The following DDN variants were observed in gnomAD, a reference collection of about 807,000 sequenced individuals.
DDN encodes the protein dendrin.
DDN carries 4 observed loss-of-function variants against 7.3 expected under a neutral mutation model. The observed-to-expected ratio is 0.55, with a 90% CI of 0.27 to 1.25. The LOEUF (loss-of-function observed/expected upper bound fraction) is 1.25. Among genes scored for constraint, DDN ranks in the 50% most tolerant of loss-of-function variants. DDN has a pLI of 0.12. For missense variants in DDN, 933 were observed against 974.7 expected (o/e 0.96, Z 0.57); for synonymous variants, 425 against 424.3 (o/e 1.00, Z -0.02).
At chr12:48,998,796 G>C (rs1941256797) in intron 1 of DDN, 130 bp from the exon 2 acceptor site, 5 of 1,198,650 alleles carry the variant, frequency 4.2e-6, no homozygotes. Flanking sequence ...GTGCGCGTGT[G>C]CACGTGCGTA....
At position 48,997,725 on chromosome 12, in the gene DDN, T is replaced by G. The variant is rs2137640330; in HGVS notation, c.1151A>C (p.Lys384Thr). Residue 384 changes from lysine to threonine, a missense_variant, in exon 2 of 2, where the codon AAA (lysine) becomes ACA (threonine). Coordinates refer to ENST00000421952, the MANE Select transcript of DDN (RefSeq NM_015086.2). Reference protein sequence around the residue: ...GKEGEQIWFPKCWIPSPKKQP... With the variant: ...GKEGEQIWFPTCWIPSPKKQP... ...CTTTTTAGGGGAGGGAATCCAGCAT[T>G]TGGGAAACCAGATCTGTTCTCCTTC... 3.2e-6 allele frequency: 5 copies of G among 1,587,146 alleles called. No homozygotes were observed. The highest frequency in any genetic ancestry group is 4.3e-6 in the Non-Finnish European group (5 of 1,163,378).
At position 48,998,010 on chromosome 12, in the gene DDN, T is replaced by A; in HGVS notation, c.866A>T (p.Gln289Leu). 1 of 1,613,582 alleles carries A rather than the reference T, an allele frequency of 6.2e-7. No homozygotes were observed. The highest frequency in any genetic ancestry group is 8.5e-7 in the Non-Finnish European group (1 of 1,180,016). ...GGATCCCCCCAAGAGACCTTGCCCC[T>A]GTCGGAGACCCCAAGCCCCGAGGAC... ...RDVLGAWGLR[Q>L]GQGLLGGSPG... is the part of the protein sequence containing the mutation. The change falls in exon 2 of 2, where the codon CAG becomes CTG. Residue 289 changes from glutamine to leucine, a missense_variant. Transcript: ENST00000421952.
intron 1 of DDN, 75 bp downstream of exon 1, chr12:48,999,004 G>T: frequency 2.0e-6 from 3 of 1,508,580 alleles, no homozygotes; most frequent in Non-Finnish European, 2.8e-6. Flanking sequence ...AGCAGTGCTC[G>T]CTGGTGCCTG....
In DDN at chr12:48,995,514, A is replaced by G; in HGVS notation, c.*1226T>C. ...ACGGCTGGAGACTGCAAGGCGGGGG[A>G]CCCGCGCTCGGGAACTAGGGATAGG... On this transcript the variant is annotated 3_prime_UTR_variant, in exon 2 of 2. Coordinates refer to ENST00000421952, the MANE Select transcript of DDN (RefSeq NM_015086.2). 6.6e-6 allele frequency: 1 copy of G among 152,422 alleles called. No individual in the cohort carries two copies. Among genetic ancestry groups the G allele is most frequent in the East Asian group, 1.9e-4 (1 of 5,180 alleles). The allele number at this position is 152,422 out of a possible 1,614,324, so 9.4% of individuals were successfully genotyped here.
chr12:48,998,420 C>T lies in DDN; in HGVS notation c.456G>A (p.Arg152=). The T allele has an allele frequency of 6.6e-7, 1 of 1,511,836 alleles. No individual in the cohort carries two copies. Among genetic ancestry groups the T allele is most frequent in the Non-Finnish European group, 8.8e-7 (1 of 1,139,466 alleles). 93.7% of individuals were successfully genotyped at this position (1,511,836 alleles called of 1,614,324 possible). A position where few individuals can be genotyped will look rare whatever the true frequency, so the allele number is the denominator to read the frequency against. Residue 152 remains arginine (R), a synonymous_variant, in exon 2 of 2, where the codon CGG becomes CGA. Transcript: ENST00000421952. ...CAGGGAGCCCTGCCAGCTGGGCCAC[C>T]CGAGGGGCGTTGCGGGGCTCCGGGC... ...RPRPEPRNAP[R]VAQLAGLPAP...
chr12:48,997,302 C>T lies in DDN; in HGVS notation c.1574G>A (p.Gly525Glu). ...GCCCTCAGCTTCGCCCCCGCGGCCC[C>T]CGCCGGGCTGGTGTAAAAGGCGACT... ...SSSRLLHQPG[G>E]GRGGEAEGGR... Residue 525 changes from glycine to glutamate, a missense_variant, in exon 2 of 2, where the codon GGG becomes GAG. Physicochemically the swap from Gly to Glu is moderately conservative, Grantham distance 98. Coordinates refer to ENST00000421952, the MANE Select transcript of DDN (RefSeq NM_015086.2). 1.2e-6 allele frequency: 2 copies of T among 1,609,494 alleles called. No individual in the cohort carries two copies. Among genetic ancestry groups the T allele is most frequent in the South Asian group, 2.2e-5 (2 of 90,792 alleles).
At position 48,997,162 on chromosome 12, in the gene DDN, C is replaced by T; in HGVS notation, c.1714G>A (p.Ala572Thr). ...PTQPGSPEHQ[A>T]LGPAASGAQG... is the part of the protein sequence containing the mutation. ...GCTCCCGAAGCTGCTGGGCCTAAGGCTTGGTGCTCTGGGCTACCTGGCTGC... is the reference window on the plus strand; with the variant it reads ...GCTCCCGAAGCTGCTGGGCCTAAGGTTTGGTGCTCTGGGCTACCTGGCTGC... Residue 572 changes from alanine to threonine, a missense_variant, in exon 2 of 2, where the codon GCC becomes ACC. Physicochemically the swap from Ala to Thr is moderately conservative, Grantham distance 58 (BLOSUM62 0). Coordinates refer to ENST00000421952, the MANE Select transcript of DDN (RefSeq NM_015086.2). 6.5e-7 allele frequency: 1 copy of T among 1,549,068 alleles called. No individual in the cohort carries two copies. Among genetic ancestry groups the T allele is most frequent in the Non-Finnish European group, 8.7e-7 (1 of 1,150,124 alleles).
rs550044534 is a variant in DDN, at chr12:48,999,266, A to G, written c.22T>C (p.Ser8Pro). The G allele has an allele frequency of 2.6e-6, 4 of 1,552,890 alleles. No homozygotes were observed. The East Asian group carries it at 7.3e-5, about 28-fold the overall frequency. ...TCCCGGGGGCTGTCAGGCCCCTCGGAGAACAGTGGGCCATCCAGCATCCTG... is the reference window on the plus strand; with the variant it reads ...TCCCGGGGGCTGTCAGGCCCCTCGGGGAACAGTGGGCCATCCAGCATCCTG... MLDGPLFSEGPDSPRELQ... is the reference protein window; with the variant it reads MLDGPLFPEGPDSPRELQ... Residue 8 changes from serine to proline, a missense_variant, in exon 1 of 2, where the codon TCC (serine) becomes CCC (proline). Physicochemically the swap from Ser to Pro is moderately conservative, Grantham distance 74 (BLOSUM62 -1). Coordinates refer to ENST00000421952, the MANE Select transcript of DDN (RefSeq NM_015086.2).
rs1941243698 is a variant in DDN at position 48,998,239 on chromosome 12, C to T, written c.637G>A (p.Ala213Thr). 1 of 1,612,042 alleles carries T rather than the reference C, an allele frequency of 6.2e-7. No homozygotes were observed. Among genetic ancestry groups the T allele is most frequent in the Non-Finnish European group, 8.5e-7 (1 of 1,179,658 alleles). ...YEAHLLLRGS[A>T]GTAPRRRWDR... is the part of the protein sequence containing the mutation. ...CAGCGGCGTCGTGGGGCGGTCCCGG[C>T]AGAACCTCTCAGCAGCAGGTGAGCC... is the stretch of plus-strand genomic sequence containing the variant. The change falls in exon 2 of 2, where the codon GCC (alanine) becomes ACC (threonine). Residue 213 changes from alanine to threonine, a missense_variant. Coordinates refer to ENST00000421952, the MANE Select transcript of DDN (RefSeq NM_015086.2).
rs1941208309 is a variant in DDN at position 48,996,664 on chromosome 12, A to T, written c.*76T>A. ...GATACAAGGAAAAGAGAAGCAAAGG[A>T]AGTCTGTGGGGAAGAATGGGGACCA... On this transcript the variant is annotated 3_prime_UTR_variant, in exon 2 of 2. Coordinates refer to ENST00000421952, the MANE Select transcript of DDN (RefSeq NM_015086.2). 1 of 1,539,634 alleles carries T rather than the reference A, an allele frequency of 6.5e-7. No homozygotes were observed. Among genetic ancestry groups the T allele is most frequent in the Non-Finnish European group, 8.7e-7 (1 of 1,143,540 alleles).
rs374112105 is a variant in DDN at position 48,999,126 on chromosome 12, G to C, written c.162C>G (p.Pro54=). 6.2e-6 allele frequency: 10 copies of C among 1,614,088 alleles called. No homozygotes were observed. Among genetic ancestry groups the C allele is most frequent in the Non-Finnish European group, 8.5e-6 (10 of 1,179,992 alleles). ...CCCAGTGGCTGGCCTGGAAGTCCAT[G>C]GGCTGTCGAGAAGGGGCGCGGCGAC... ...HYSRRAPSRQ[P]MDFQASHWAR... Residue 54 remains proline, a synonymous_variant, in exon 1 of 2, where the codon CCC becomes CCG. Transcript: ENST00000421952.
Position 48,997,120 on chromosome 12 carries a change from C to G in DDN, c.1756G>C (p.Gly586Arg), listed in dbSNP as rs1194758492. 1 of 1,526,932 alleles carries G rather than the reference C, an allele frequency of 6.5e-7. No homozygotes were observed. The highest frequency in any genetic ancestry group is 2.2e-5 in the Admixed American group (1 of 45,194). 94.6% of individuals were successfully genotyped at this position (1,526,932 alleles called of 1,614,324 possible). A position where few individuals can be genotyped will look rare whatever the true frequency, so the allele number is the denominator to read the frequency against. Residue 586 changes from glycine to arginine, a missense_variant, in exon 2 of 2, where the codon GGG becomes CGG. Coordinates refer to ENST00000421952, the MANE Select transcript of DDN (RefSeq NM_015086.2). The stretch of plus-strand genomic sequence containing the variant: ...CGCTGGACCACCGCCACTTCCGACC[C>G]CTCGGCTCTGCCCTGGGCTCCCGAA... The part of the protein sequence containing the change: ...AASGAQGRAE[G>R]SEVAVVQRRA...
Position 48,999,296 on chromosome 12 carries a change from A to G in DDN, c.-9T>C. The stretch of plus-strand genomic sequence containing the variant: ...AGTGGGCCATCCAGCATCCTGCCCC[A>G]CCCCACCCCGGCCCCCCACCCTCCC... On this transcript the variant is annotated 5_prime_UTR_variant, in exon 1 of 2. Coordinates refer to ENST00000421952, the MANE Select transcript of DDN (RefSeq NM_015086.2). The G allele has an allele frequency of 1.1e-6, 1 of 915,250 alleles. No homozygotes were observed. Among genetic ancestry groups the G allele is most frequent in the Non-Finnish European group, 1.5e-6 (1 of 657,068 alleles). The allele number at this position is 915,250 out of a possible 1,614,324, so 56.7% of individuals were successfully genotyped here.
Position 48,998,591 on chromosome 12 carries a change from G to A in DDN, c.285C>T (p.Thr95=), listed in dbSNP as rs779583778. ...CGGCCAGGGGCCCCGCCCGCCAGTT[G>A]GTCGCCTCCTGCAGCACCCTGGAGG... ...PWASRVLQEA[T]NWRAGPLAEV... is the part of the protein sequence containing the mutation. The change falls in exon 2 of 2, where the codon ACC becomes ACT. Residue 95 remains threonine, a synonymous_variant. Coordinates refer to ENST00000421952, the MANE Select transcript of DDN (RefSeq NM_015086.2). 3.8e-6 allele frequency: 6 copies of A among 1,589,488 alleles called. No homozygotes were observed. The highest frequency in any genetic ancestry group is 5.1e-6 in the Non-Finnish European group (6 of 1,175,492).
chr12:48,997,666 G>T lies in DDN; in HGVS notation c.1210C>A (p.Pro404Thr). Reference protein sequence around the residue: ...PPRHSQTLPRPWAPGGTGWRE... With the variant: ...PPRHSQTLPRTWAPGGTGWRE... ...CATCCGGTGCCTCCGGGAGCCCAGG[G>T]TCTGGGGAGTGTCTGGCTATGGCGG... The change falls in exon 2 of 2, where the codon CCC (proline) becomes ACC (threonine). Residue 404 changes from proline to threonine, a missense_variant. Coordinates refer to ENST00000421952, the MANE Select transcript of DDN (RefSeq NM_015086.2). 6.4e-7 allele frequency: 1 copy of T among 1,564,860 alleles called. No homozygotes were observed. Among genetic ancestry groups the T allele is most frequent in the Non-Finnish European group, 8.7e-7 (1 of 1,153,746 alleles).
chr12:48,998,377 G>C lies in DDN; in HGVS notation c.499C>G (p.Arg167Gly). Residue 167 changes from arginine (R) to glycine (G), a missense_variant, in exon 2 of 2, where the codon CGC (arginine) becomes GGC (glycine). Coordinates refer to ENST00000421952, the MANE Select transcript of DDN (RefSeq NM_015086.2). ...AGLPAPLRPE[R>G]LAPVGRAPRP... is the part of the protein sequence containing the mutation. ...GGCGCTCGCCCCACAGGCGCCAGGC[G>C]CTCCGGCCGCAAGGGAGCAGGGAGC... 1.3e-6 allele frequency: 2 copies of C among 1,494,096 alleles called. No individual in the cohort carries two copies. The highest frequency in any genetic ancestry group is 8.8e-7 in the Non-Finnish European group (1 of 1,130,290). The allele number at this position is 1,494,096 out of a possible 1,614,324, so 92.6% of individuals were successfully genotyped here. A position where few individuals can be genotyped will look rare whatever the true frequency, so the allele number is the denominator to read the frequency against.
rs755258367 is a variant in DDN at position 48,998,279 on chromosome 12, C to A, written c.597G>T (p.Gly199=). Residue 199 remains glycine, a synonymous_variant, in exon 2 of 2, where the codon GGG becomes GGT. Coordinates refer to ENST00000421952, the MANE Select transcript of DDN (RefSeq NM_015086.2). ...GCAGGTGAGCCTCGTAGCTTGGGGG[C>A]CCGGGCCGCCGACCTCCCCAGGGCC... The part of the protein sequence containing the change: ...WAGPWGGRRP[G]PPSYEAHLLL... The A allele has an allele frequency of 1.2e-6, 2 of 1,603,216 alleles. No homozygotes were observed. Among genetic ancestry groups the A allele is most frequent in the South Asian group, 2.2e-5 (2 of 90,422 alleles).
rs1941200631 is a variant in DDN, at chr12:48,996,157, A to G, written c.*583T>C. On this transcript the variant is annotated 3_prime_UTR_variant, in exon 2 of 2. Coordinates refer to ENST00000421952, the MANE Select transcript of DDN (RefSeq NM_015086.2). ...GGACCTTAGAATACCATCATTTTAT[A>G]TACCAGGAGGCCTGGAGGCCTGGAG... The G allele has an allele frequency of 6.6e-6, 1 of 152,446 alleles. No homozygotes were observed. Among genetic ancestry groups the G allele is most frequent in the Admixed American group, 6.5e-5 (1 of 15,310 alleles). 9.4% of individuals were successfully genotyped at this position (152,446 alleles called of 1,614,324 possible).
Position 48,998,289 on chromosome 12 carries a change from C to A in DDN, c.587G>T (p.Arg196Leu), listed in dbSNP as rs1179600183. 1 of 1,600,096 alleles carries A rather than the reference C, an allele frequency of 6.2e-7. No homozygotes were observed. The highest frequency in any genetic ancestry group is 1.3e-5 in the African/African-American group (1 of 74,720). The change falls in exon 2 of 2, where the codon CGG (arginine) becomes CTG (leucine). Residue 196 changes from arginine (R) to leucine (L), a missense_variant. Transcript: ENST00000421952. ...CTCGTAGCTTGGGGGCCCGGGCCGC[C>A]GACCTCCCCAGGGCCCCGCCCACGC... ...GSAWAGPWGG[R>L]RPGPPSYEAH...
Sources: allele counts gnomAD v4.1 joint callset, GRCh38; gene constraint gnomAD v4.1.1; transcripts MANE v1.5; gene names NCBI Gene and HGNC (gene_info 2026-07-23, HGNC 2026-07-21).